MRPS14: variants seen among roughly 807,000 people sequenced by gnomAD.
MRPS14 encodes the protein mitochondrial ribosomal protein S14, also known as small ribosomal subunit protein uS14m.
In MRPS14, 14 loss-of-function variants were observed where a neutral mutation model predicts 16.4. That is an observed-to-expected ratio of 0.85 (90% confidence interval 0.56 to 1.33). The LOEUF (loss-of-function observed/expected upper bound fraction) is 1.33. MRPS14 is among the 40% of genes most tolerant of loss of function. MRPS14 has a pLI of 0.00. For missense variants in MRPS14, 162 were observed against 176.8 expected, an observed-to-expected ratio of 0.92 and a Z score of 0.48; for synonymous variants, 54 against 61.9, an observed-to-expected ratio of 0.87 and a Z score of 0.60.
chr1:175,013,788 C>A lies in MRPS14; in HGVS notation c.*881G>T, dbSNP rs529072500. The A allele has an allele frequency of 6.6e-6, 1 of 152,292 alleles. No homozygotes were observed. The highest frequency in any genetic ancestry group is 2.1e-4 in the South Asian group (1 of 4,830). 9.4% of individuals were successfully genotyped at this position (152,292 alleles called of 1,614,324 possible). A position where few individuals can be genotyped will look rare whatever the true frequency, so the allele number is the denominator to read the frequency against. ...AAGTGACTGTGGTTCTCTGATGCTACAGAGTGCCTTTGCTTCTTTGTGCTT... is the reference window on the plus strand; with the variant it reads ...AAGTGACTGTGGTTCTCTGATGCTAAAGAGTGCCTTTGCTTCTTTGTGCTT... On this transcript the variant is annotated 3_prime_UTR_variant, in exon 3 of 3. Coordinates refer to ENST00000476371, the MANE Select transcript of MRPS14 (RefSeq NM_022100.3).
At chr1:175,017,374 G>C (rs1454241245) in intron 2 of MRPS14, among the ~76,000 whole-genome samples, 1 of 152,118 alleles carries the variant, frequency 6.6e-6, no homozygotes, top group Non-Finnish European at 1.5e-5. Context: ...CCTAAATGTA[G>C]GAAAGTAGCT....
chr1:175,018,359 T>C, intron 2 of MRPS14, 59 bp downstream of exon 2: 1 of 1,443,402 alleles, frequency 6.9e-7, no homozygotes, highest in South Asian at 1.4e-5. Context: ...GTATCAAAAG[T>C]GATCTGATGT....
Position 175,014,815 on chromosome 1 carries a change from C to A in MRPS14, c.241G>T (p.Asp81Tyr). 6.2e-7 allele frequency: 1 copy of A among 1,613,936 alleles called. No individual in the cohort carries two copies. Among genetic ancestry groups the A allele is most frequent in the East Asian group, 2.2e-5 (1 of 44,886 alleles). ...ADEEIAALPR[D>Y]SCPVRIRNRC... Reference sequence around the variant, plus strand: ...TTTCTGATTCTAACAGGACAGCTATCCCGGGGGAGGGCAGCAATTTCTTCA... The same window carrying A: ...TTTCTGATTCTAACAGGACAGCTATACCGGGGGAGGGCAGCAATTTCTTCA... The change falls in exon 3 of 3, where the codon GAT becomes TAT. Residue 81 changes from aspartate to tyrosine, a missense_variant. By Grantham distance (160) the Asp-to-Tyr change is radical (BLOSUM62 -3). Coordinates refer to ENST00000476371, the MANE Select transcript of MRPS14 (RefSeq NM_022100.3).
In MRPS14 at chr1:175,018,086, T is replaced by C. The variant is rs138979626; in HGVS notation, c.204+332A>G. 2.6e-4 allele frequency among the ~76,000 whole-genome samples: 39 copies of C among 151,576 alleles called. No homozygotes were observed. The East Asian group carries it at 7.1e-3, about 28-fold the overall frequency. On this transcript the variant is annotated intron_variant, in intron 2 of 2. Transcript: ENST00000476371. ...TTGTGGTGAGCCGAGACTGAGCCAT[T>C]GCACTCCAGCCTGGGGAACAGAGCG...
chr1:175,018,136 A>G (rs1194201586), intron 2 of MRPS14, among the ~76,000 whole-genome samples: 2 of 152,074 alleles, frequency 1.3e-5, no homozygotes, highest in Non-Finnish European at 2.9e-5. Flanking sequence ...AAAAAAAAAA[A>G]TTGGGATGAA....
At chr1:175,016,115 T>A (rs1294657356) in intron 2 of MRPS14, among the ~76,000 whole-genome samples, 1 of 151,268 alleles carries the variant, frequency 6.6e-6, no homozygotes, top group Non-Finnish European at 1.5e-5. Context: ...CAGAATCGCT[T>A]GAACCCAGGA....
At chr1:175,018,613 C>T (rs1255456486) in intron 1 of MRPS14, 37 bp from the exon 2 acceptor site, 1 of 1,542,464 alleles carries the variant, frequency 6.5e-7, no homozygotes, top group Non-Finnish European at 8.7e-7. Context: ...GAAGGATAGC[C>T]AGGACAACAT....
intron 1 of MRPS14, 100 bp downstream of exon 1, chr1:175,023,264 G>C (rs762766777): frequency 6.4e-7 from 1 of 1,565,138 alleles, no homozygotes; most frequent in Admixed American, 1.9e-5. Flanking sequence ...CCCTGGACTG[G>C]TCCTCACCGA....
intron 2 of MRPS14, 86 bp from the exon 3 acceptor site, chr1:175,014,937 T>C (rs74128533): frequency 0.041 from 25,808 of 633,672 alleles, 330 homozygotes; most frequent in African/African-American, 0.13. Flanking sequence ...AATTTTCTTT[T>C]CTTTTTTTTT....
At chr1:175,017,713 G>T (rs1412708260) in intron 2 of MRPS14, among the ~76,000 whole-genome samples, 1 of 152,128 alleles carries the variant, frequency 6.6e-6, no homozygotes, top group Non-Finnish European at 1.5e-5. Context: ...CACAGAGGGT[G>T]GGCAAGGGAG....
chr1:175,015,186 C>T (rs1228773966), intron 2 of MRPS14, among the ~76,000 whole-genome samples: 1 of 152,124 alleles, frequency 6.6e-6, no homozygotes, highest in East Asian at 1.9e-4. Flanking sequence ...TGAGCTCTGG[C>T]AATCCGCCCA....
rs1417775247 is a variant in MRPS14, at chr1:175,014,708, G to A, written c.348C>T (p.Asp116=). The A allele has an allele frequency of 6.2e-7, 1 of 1,613,700 alleles. No homozygotes were observed. The highest frequency in any genetic ancestry group is 2.2e-5 in the East Asian group (1 of 44,878). ...LSRIVFRHLA[D]HGQLSGIQRA... ...GCTGGATCCCAGAAAGTTGCCCATGGTCAGCTAAGTGACGGAAGACTATAC... is the reference window on the plus strand; with the variant it reads ...GCTGGATCCCAGAAAGTTGCCCATGATCAGCTAAGTGACGGAAGACTATAC... Residue 116 remains aspartate, a synonymous_variant, in exon 3 of 3, where the codon GAC becomes GAT. Coordinates refer to ENST00000476371, the MANE Select transcript of MRPS14 (RefSeq NM_022100.3).
At chr1:175,016,095 G>C (rs1051268181) in intron 2 of MRPS14, among the ~76,000 whole-genome samples, 1 of 151,968 alleles carries the variant, frequency 6.6e-6, no homozygotes, top group Admixed American at 6.5e-5. Flanking sequence ...TGGCCGGGAG[G>C]CTAAGGCAGC....
intron 1 of MRPS14, chr1:175,023,161 A>T: frequency 7.9e-7 from 1 of 1,268,938 alleles, no homozygotes; most frequent in Non-Finnish European, 1.1e-6. Context: ...TTCCAATACC[A>T]GTTAGTCATA....
At chr1:175,017,029 G>C (rs1010194724) in intron 2 of MRPS14, among the ~76,000 whole-genome samples, 12 of 151,056 alleles carry the variant, frequency 7.9e-5, no homozygotes, top group Non-Finnish European at 1.6e-4. Context: ...TCAATGTCTT[G>C]AGCTCAGTTT....
At chr1:175,016,741 C>G (rs1257812813) in intron 2 of MRPS14, among the ~76,000 whole-genome samples, 1 of 152,166 alleles carries the variant, frequency 6.6e-6, no homozygotes, top group African/African-American at 2.4e-5. Context: ...GAAATGATTA[C>G]CACAATGAAG....
At position 175,014,482 on chromosome 1, in the gene MRPS14, G is replaced by T. The variant is rs909135746; in HGVS notation, c.*187C>A. The T allele has an allele frequency of 2.0e-5, 11 of 539,406 alleles. 1 individual carries two copies. In the South Asian group the frequency reaches 3.6e-4, roughly 18 times the overall value. The allele number at this position is 539,406 out of a possible 1,614,324, so 33.4% of individuals were successfully genotyped here. On this transcript the variant is annotated 3_prime_UTR_variant, in exon 3 of 3. Coordinates refer to ENST00000476371, the MANE Select transcript of MRPS14 (RefSeq NM_022100.3). ...TATGTTTGTTAAGTCCAAGAGAAAA[G>T]ATAATTCACTGACATGAAACACCCA...
In MRPS14 at chr1:175,014,936, T is replaced by TC. The variant is rs776528450; in HGVS notation, c.205-86_205-85insG. The TC allele has an allele frequency of 2.2e-3, 1,968 of 901,818 alleles. 13 individuals carry two copies. Among genetic ancestry groups the TC allele is most frequent in the Middle Eastern group, 3.5e-3 (14 of 3,982 alleles). 55.9% of individuals were successfully genotyped at this position (901,818 alleles called of 1,614,324 possible). On this transcript the variant is annotated intron_variant, in intron 2 of 2. Coordinates refer to ENST00000476371, the MANE Select transcript of MRPS14 (RefSeq NM_022100.3). ...CTTCTCACTTGCAGGTAATTTTCTT[T>TC]TCTTTTTTTTTTTTTTTTGAGACAG...
At chr1:175,023,272 C>T (rs1355565514) in intron 1 of MRPS14, 92 bp downstream of exon 1, 1 of 1,570,240 alleles carries the variant, frequency 6.4e-7, no homozygotes, top group Non-Finnish European at 8.6e-7. Flanking sequence ...TGGTCCTCAC[C>T]GAGCACTACA....
Sources: gnomAD v4.1 joint callset for allele counts (sites outside exome capture counted in the v4.1 genomes callset) on GRCh38, gnomAD v4.1.1 for gene constraint, MANE v1.5 for transcripts, NCBI Gene and HGNC (gene_info 2026-07-23, HGNC 2026-07-21) for gene names.